The following RELCH variants were observed in gnomAD, a reference collection of about 807,000 sequenced individuals.
RELCH encodes the protein RAB11-binding protein RELCH.
In RELCH, 41 loss-of-function variants were observed where a neutral mutation model predicts 150.3. That is an observed-to-expected ratio of 0.27 (90% CI 0.21 to 0.35). The LOEUF is 0.35. Ranked by LOEUF, RELCH falls within the 10% of genes least tolerant of loss-of-function variation. The pLI is 1.00. For synonymous variants in RELCH, 478 were observed against 531.8 expected (o/e 0.90, Z 1.39); for missense variants, 1,092 against 1,467.8 (o/e 0.74, Z 4.18).
At chr18:62,266,935 G>A (rs889975571) in intron 19 of RELCH, among the ~76,000 whole-genome samples, 186 bp downstream of exon 19, 3 of 151,908 alleles carry the variant, frequency 2.0e-5, no homozygotes, top group Non-Finnish European at 4.4e-5. Context: ...TAGTGGCAGT[G>A]AGATTAATCC....
chr18:62,209,096 A>G (rs1228390684), intron 1 of RELCH, among the ~76,000 whole-genome samples: 1 of 152,148 alleles, frequency 6.6e-6, no homozygotes. Flanking sequence ...TAATAACCTC[A>G]CTTCACCTTT....
At chr18:62,234,043 A>C (rs1341471534) in intron 10 of RELCH, among the ~76,000 whole-genome samples, 1 of 151,858 alleles carries the variant, frequency 6.6e-6, no homozygotes, top group Non-Finnish European at 1.5e-5. Context: ...ATCTTTGTTC[A>C]TTTAATTATT....
chr18:62,275,681 G>T, intron 22 of RELCH: 5 of 399,314 alleles, frequency 1.3e-5, no homozygotes, highest in East Asian at 4.2e-5. Context: ...TCAGCTTACT[G>T]GTTCCTTGAA....
At chr18:62,292,097 T>C (rs1219318519) in intron 27 of RELCH, among the ~76,000 whole-genome samples, 2 of 152,168 alleles carry the variant, frequency 1.3e-5, no homozygotes, top group Non-Finnish European at 2.9e-5. Context: ...CCTTTTACGA[T>C]GTTTGACTCT....
chr18:62,220,365 A>ATT (rs377746154), intron 2 of RELCH, among the ~76,000 whole-genome samples: 271 of 128,132 alleles, frequency 2.1e-3, no homozygotes, highest in African/African-American at 6.5e-3. Flanking sequence ...GGGGTTTTGG[A>ATT]TTTTTTTTTT....
chr18:62,266,846 G>T, intron 19 of RELCH, 97 bp downstream of exon 19: 1 of 707,310 alleles, frequency 1.4e-6, no homozygotes. Context: ...AAATGAACTA[G>T]CAACTACAAT....
intron 1 of RELCH, among the ~76,000 whole-genome samples, chr18:62,197,523 A>C (rs1010526444): frequency 1.9e-4 from 29 of 152,176 alleles, no homozygotes; most frequent in Admixed American, 8.5e-4. Context: ...TGAATTACAA[A>C]TATCAGTTGA....
chr18:62,225,438 A>C (rs73456698), intron 5 of RELCH, among the ~76,000 whole-genome samples: 11 of 151,938 alleles, frequency 7.2e-5, no homozygotes, highest in Non-Finnish European at 1.2e-4. Flanking sequence ...TAACATATCT[A>C]ATAAAGGAGT....
chr18:62,256,729 T>G (rs1419596400), intron 13 of RELCH, among the ~76,000 whole-genome samples: 1 of 152,084 alleles, frequency 6.6e-6, no homozygotes, highest in Non-Finnish European at 1.5e-5. Flanking sequence ...GTGGGGTCCC[T>G]GTGGCATACT....
intron 1 of RELCH, among the ~76,000 whole-genome samples, chr18:62,199,756 A>G (rs867236145): frequency 6.6e-6 from 1 of 152,166 alleles, no homozygotes; most frequent in Admixed American, 6.5e-5. Context: ...AAGAGAACCA[A>G]TGGTTTAGAG....
rs2045233890 is a variant in RELCH at position 62,293,069 on chromosome 18, G to C, written c.3459+1438G>C. Among the ~76,000 whole-genome samples, 3 of 152,186 alleles carry C rather than the reference G, an allele frequency of 2.0e-5. No individual in the cohort carries two copies. In the South Asian group the frequency reaches 6.2e-4, roughly 32 times the overall value. ...CTCCTCCATCACACACTCTGCCCCA[G>C]CCATGCCAAACTAATTCATCTCCAC... On this transcript the variant is annotated intron_variant, in intron 27 of 28. Transcript: ENST00000644646.
intron 20 of RELCH, among the ~76,000 whole-genome samples, chr18:62,272,241 C>A (rs932455211): frequency 4.6e-5 from 7 of 152,116 alleles, no homozygotes; most frequent in African/African-American, 1.7e-4. Context: ...CAGTGCTAGA[C>A]GCAACAGTAT....
At chr18:62,214,552 G>T (rs1397178295) in intron 2 of RELCH, among the ~76,000 whole-genome samples, 8 of 152,124 alleles carry the variant, frequency 5.3e-5, no homozygotes, top group Non-Finnish European at 2.9e-5. Flanking sequence ...TCTTGACATT[G>T]CTCTGATGGA....
Position 62,255,413 on chromosome 18 carries a change from C to T in RELCH, c.1831C>T (p.His611Tyr). 1 of 1,608,042 alleles carries T rather than the reference C, an allele frequency of 6.2e-7. No homozygotes were observed. The highest frequency in any genetic ancestry group is 8.5e-7 in the Non-Finnish European group (1 of 1,176,150). The change falls in exon 13 of 29, where the codon CAC becomes TAC. Residue 611 changes from histidine (H) to tyrosine (Y), a missense_variant. His to Tyr is a moderately conservative substitution (Grantham distance 83). Coordinates refer to ENST00000644646, the MANE Select transcript of RELCH (RefSeq NM_001346231.2). ...TTTATTTTTTTTGCTCTAGATTAAT[C>T]ACAAATACCCAGAAAGACGACTGCT... ...LLPQCWEQIN[H>Y]KYPERRLLVA...
At chr18:62,221,600 T>TA (rs1221276493) in intron 5 of RELCH, 103 bp downstream of exon 5, 1 of 506,454 alleles carries the variant, frequency 2.0e-6, no homozygotes, top group African/African-American at 2.0e-5. Flanking sequence ...ATATATATAG[T>TA]AAAATTCTAC....
At chr18:62,223,839 C>G (rs971542879) in intron 5 of RELCH, among the ~76,000 whole-genome samples, 2 of 152,068 alleles carry the variant, frequency 1.3e-5, no homozygotes, top group African/African-American at 4.8e-5. Context: ...TGAGAAGATG[C>G]AGAAAAGGCA....
At chr18:62,218,288 A>G (rs1490536843) in intron 2 of RELCH, among the ~76,000 whole-genome samples, 1 of 151,942 alleles carries the variant, frequency 6.6e-6, no homozygotes, top group Non-Finnish European at 1.5e-5. Flanking sequence ...ATTGGAACTC[A>G]TCAATAATGA....
At chr18:62,248,871 A>G (rs1422159818) in intron 11 of RELCH, among the ~76,000 whole-genome samples, 1 of 152,140 alleles carries the variant, frequency 6.6e-6, no homozygotes, top group Admixed American at 6.5e-5. Context: ...GTGACACATG[A>G]GAAGAAAGCT....
rs61686710 is a variant in RELCH at position 62,285,119 on chromosome 18, TTTTGTTTGTTTG to T, written c.3254-2213_3254-2202del. Among the ~76,000 whole-genome samples, 822 of 150,828 alleles carry T rather than the reference TTTTGTTTGTTTG, an allele frequency of 5.4e-3. 26 individuals carry two copies. Among genetic ancestry groups the T allele is most frequent in the South Asian group, 2.3e-3 (11 of 4,768 alleles). On this transcript the variant is annotated intron_variant, in intron 25 of 28. Transcript: ENST00000644646. ...TTTGAACGTTTTCTGATATACAGTT[TTTTGTTTGTTTG>T]TTTGTTTGTTTGTTTGTTGTTTCTG...
Sources: allele counts gnomAD v4.1 joint callset (sites outside exome capture counted in the v4.1 genomes callset), GRCh38; gene constraint gnomAD v4.1.1; transcripts MANE v1.5; gene names NCBI Gene and HGNC (gene_info 2026-07-23, HGNC 2026-07-21).